Variants in NR4A1 observed in about 807,000 individuals in gnomAD.
NR4A1 encodes nuclear receptor subfamily 4immunitygroup A member 1.
Under a neutral mutation model 47.5 loss-of-function variants are expected in NR4A1, and 24 were observed. The observed-to-expected ratio is 0.50, with a 90% CI of 0.37 to 0.71. The LOEUF (loss-of-function observed/expected upper bound fraction) is 0.71. NR4A1 is among the 30% of genes least tolerant of loss of function. The probability of loss-of-function intolerance (pLI) is 0.00; values close to 1 mark genes in which losing one functional copy is unlikely to be tolerated. For synonymous variants in NR4A1, 353 were observed against 345.7 expected, an observed-to-expected ratio of 1.02 and a Z score of -0.24; for missense variants, 669 against 788.6, an observed-to-expected ratio of 0.85 and a Z score of 1.82.
chr12:52,027,023 T>A (rs931814087), intron 1 of NR4A1, among the ~76,000 whole-genome samples: 5 of 152,158 alleles, frequency 3.3e-5, no homozygotes, highest in Non-Finnish European at 7.3e-5. Flanking sequence ...GAGAGGTGTG[T>A]TGATAGGCAC....
upstream of NR4A1, among the ~76,000 whole-genome samples, chr12:52,050,746 A>G (rs1367929595): frequency 6.6e-6 from 1 of 152,166 alleles, no homozygotes; most frequent in Non-Finnish European, 1.5e-5. Context: ...GCAGCCTCTC[A>G]GCCTGAGACC....
chr12:52,057,286 C>G, intron 5 of NR4A1, 27 bp downstream of exon 5: 1 of 1,613,500 alleles, frequency 6.2e-7, no homozygotes, highest in Non-Finnish European at 8.5e-7. Context: ...GTCTGCCCAG[C>G]CCCTTTCCCT....
Position 52,041,689 on chromosome 12 carries a change from C to A in NR4A1, c.-83-121C>A, listed in dbSNP as rs1009513026. ...GGGAGGTCCTTGGGCGCTGGCTTGT[C>A]CCCCTCTTGTGGCCTAGGTCCTGCC... On this transcript the variant is annotated intron_variant, in intron 1 of 7. Coordinates refer to the NR4A1 transcript ENST00000360284. The A allele has an allele frequency of 1.3e-5, 15 of 1,125,316 alleles. 1 individual carries two copies. The South Asian group carries it at 5.5e-4, about 41-fold the overall frequency. The allele number at this position is 1,125,316 out of a possible 1,614,324, so 69.7% of individuals were successfully genotyped here.
At chr12:52,050,770 C>G (rs539888740), upstream of NR4A1, among the ~76,000 whole-genome samples, 140 of 152,284 alleles carry the variant, frequency 9.2e-4, no homozygotes, top group African/African-American at 3.2e-3. Flanking sequence ...CTGGGGAAGC[C>G]GCGTCCTGTG....
chr12:52,037,398 C>A (rs1399010574), intron 1 of NR4A1: 6 of 985,342 alleles, frequency 6.1e-6, no homozygotes, highest in Non-Finnish European at 7.2e-6. Flanking sequence ...TGGTGCGCGA[C>A]CCCGGAAAGC....
chr12:52,051,392 C>G, upstream of NR4A1: 2 of 985,512 alleles, frequency 2.0e-6, no homozygotes, highest in Non-Finnish European at 2.4e-6. Context: ...GCCCCCGCCC[C>G]TCCCCGTGCG....
Position 52,057,391 on chromosome 12 carries a change from C to A in NR4A1, c.1401C>A (p.Gly467=), listed in dbSNP as rs202038317. 6.2e-6 allele frequency: 10 copies of A among 1,614,112 alleles called. No individual in the cohort carries two copies. Among genetic ancestry groups the A allele is most frequent in the Non-Finnish European group, 6.8e-6 (8 of 1,180,066 alleles). ...PGEGKLIFCS[G]LVLHRLQCAR... ...AGGGCAAGCTCATCTTCTGCTCAGG[C>A]CTGGTGCTACACCGGCTGCAGTGTG... The change falls in exon 6 of 7, where the codon GGC becomes GGA. Residue 467 remains glycine (G), a synonymous_variant. Transcript: ENST00000394825.
At chr12:52,028,202 CAAAAAAAAAAAAA>C (rs34072500) in intron 1 of NR4A1, among the ~76,000 whole-genome samples, 1 of 61,766 alleles carries the variant, frequency 1.6e-5, no homozygotes, top group African/African-American at 7.0e-5. Context: ...ACCCTGTCTC[CAAAAAAAAAAAAA>C]AAAAAAAAAA....
At chr12:52,030,509 A>G (rs1049111700) in intron 1 of NR4A1, among the ~76,000 whole-genome samples, 2 of 151,694 alleles carry the variant, frequency 1.3e-5, no homozygotes, top group African/African-American at 2.4e-5. Flanking sequence ...GCTAACTGCA[A>G]CCTCCACCTC....
At chr12:52,056,751 AG>A (rs756651962) in intron 4 of NR4A1, 106 bp downstream of exon 4, 11 of 495,132 alleles carry the variant, frequency 2.2e-5, no homozygotes, top group Non-Finnish European at 3.4e-5. Context: ...ATGAGAAAGG[AG>A]GTTTAAAAAA....
chr12:52,043,323 C>T (rs1938507357), intron 2 of NR4A1: 1 of 164,500 alleles, frequency 6.1e-6, no homozygotes, highest in Admixed American at 5.7e-5. Context: ...CCAGTCCAGA[C>T]CCAGCTTCCT....
intron 6 of NR4A1, among the ~76,000 whole-genome samples, chr12:52,057,898 G>C (rs185979847): frequency 3.3e-5 from 5 of 152,298 alleles, no homozygotes; most frequent in South Asian, 2.1e-4. Flanking sequence ...CAGCGCCTTG[G>C]TCAAGAAAGA....
intron 2 of NR4A1, among the ~76,000 whole-genome samples, chr12:52,045,188 G>C (rs1274348673): frequency 6.6e-6 from 1 of 152,202 alleles, no homozygotes; most frequent in African/African-American, 2.4e-5. Context: ...GTAGAGATGG[G>C]GTTACTGTTT....
intron 2 of NR4A1, among the ~76,000 whole-genome samples, chr12:52,044,578 G>A (rs1938560963): frequency 1.3e-5 from 2 of 152,346 alleles, no homozygotes; most frequent in South Asian, 4.1e-4. Context: ...TTCTGAACGT[G>A]AGTCTCTAAA....
At chr12:52,046,559 A>G (rs1245336158), upstream of NR4A1, among the ~76,000 whole-genome samples, 3 of 152,234 alleles carry the variant, frequency 2.0e-5, no homozygotes, top group Admixed American at 6.5e-5. Context: ...TGATAGAACA[A>G]ATACATAATG....
upstream of NR4A1, among the ~76,000 whole-genome samples, chr12:52,049,852 A>G (rs552852041): frequency 6.6e-6 from 1 of 152,026 alleles, no homozygotes; most frequent in African/African-American, 2.4e-5. Flanking sequence ...GGGACCTTTG[A>G]GTGGGCAGAA....
At chr12:52,033,159 G>C (rs1334154373) in intron 1 of NR4A1, among the ~76,000 whole-genome samples, 1 of 152,178 alleles carries the variant, frequency 6.6e-6, no homozygotes, top group African/African-American at 2.4e-5. Context: ...GTGACGTAGC[G>C]GCTTCCCCGG....
intron 4 of NR4A1, 161 bp from the exon 5 acceptor site, chr12:52,056,896 C>A: frequency 1.2e-6 from 1 of 829,086 alleles, no homozygotes; most frequent in Non-Finnish European, 1.8e-6. Context: ...GCAGCTGCAG[C>A]CCTGGGTTAA....
rs150656674 is a variant in NR4A1 at position 52,057,526 on chromosome 12, C to T, written c.1536C>T (p.Ile512=). The T allele has an allele frequency of 6.2e-7, 1 of 1,613,916 alleles. No individual in the cohort carries two copies. The highest frequency in any genetic ancestry group is 8.5e-7 in the Non-Finnish European group (1 of 1,180,022). The change falls in exon 6 of 7, where the codon ATC becomes ATT. Residue 512 remains isoleucine, a synonymous_variant. Transcript: ENST00000394825. ...AFACLSALVL[I]TDRHGLQEPR... is the part of the protein sequence containing the mutation. Reference sequence around the variant, plus strand: ...CCTGCCTCTCTGCCCTTGTCCTCATCACCGGTGAGTGACCAGCACCACACC... The same window carrying T: ...CCTGCCTCTCTGCCCTTGTCCTCATTACCGGTGAGTGACCAGCACCACACC...
Sources: allele counts gnomAD v4.1 joint callset (sites outside exome capture counted in the v4.1 genomes callset), GRCh38; gene constraint gnomAD v4.1.1; transcripts MANE v1.5; gene names NCBI Gene and HGNC (gene_info 2026-07-23, HGNC 2026-07-21).